PMFBP1: variants seen among roughly 807,000 people sequenced by gnomAD.
PMFBP1 encodes polyamine-modulated factor 1-binding protein 1.
A neutral mutation model predicts 137.8 loss-of-function variants in PMFBP1; 131 were observed. That is an observed-to-expected ratio of 0.95 (90% CI 0.82 to 1.10). PMFBP1 has a LOEUF of 1.10. Ranked by LOEUF, PMFBP1 falls within the 50% of genes least tolerant of loss-of-function variation. The probability of loss-of-function intolerance (pLI) is 0.00; values close to 1 mark genes in which losing one functional copy is unlikely to be tolerated. For synonymous variants in PMFBP1, 490 were observed against 450.4 expected (o/e 1.09, Z -1.11); for missense variants, 1,199 against 1,175.4 (o/e 1.02, Z -0.29).
At chr16:72,199,252 C>T in the PMFBP1 span, among the ~76,000 whole-genome samples, 1 of 150,778 alleles carries the variant, frequency 6.6e-6, no homozygotes, top group Non-Finnish European at 1.5e-5. Flanking sequence ...CAGTGACCTC[C>T]CCGCTTTATG....
At chr16:72,222,542 T>C in the PMFBP1 span, among the ~76,000 whole-genome samples, 2 of 152,154 alleles carry the variant, frequency 1.3e-5, no homozygotes, top group East Asian at 1.9e-4. Flanking sequence ...TGAGGGTCAC[T>C]GCAGAGACCA....
chr16:72,190,020 A>G, the PMFBP1 span, among the ~76,000 whole-genome samples: 1 of 152,196 alleles, frequency 6.6e-6, no homozygotes, highest in Non-Finnish European at 1.5e-5. Context: ...AAATTCTGAA[A>G]AAAAATCTCA....
At chr16:72,168,651 A>G (rs1204884645) in intron 2 of PMFBP1, among the ~76,000 whole-genome samples, 2 of 152,188 alleles carry the variant, frequency 1.3e-5, no homozygotes, top group Non-Finnish European at 2.9e-5. Flanking sequence ...CTGAAATCAT[A>G]AGTCTCCACT....
the PMFBP1 span, among the ~76,000 whole-genome samples, chr16:72,225,709 T>TATAATAATAATA: frequency 9.1e-6 from 1 of 109,604 alleles, no homozygotes; most frequent in Admixed American, 9.0e-5. Flanking sequence ...TGAGACTGTT[T>TATAATAATAATA]ATAATAATAA....
chr16:72,212,588 T>C, the PMFBP1 span, among the ~76,000 whole-genome samples: 1 of 152,108 alleles, frequency 6.6e-6, no homozygotes, highest in African/African-American at 2.4e-5. Context: ...TTACTCCTGT[T>C]CTAGCAGGTC....
chr16:72,118,912 AAGG>A (rs1265624000), downstream of PMFBP1, among the ~76,000 whole-genome samples: 1 of 152,214 alleles, frequency 6.6e-6, no homozygotes, highest in Non-Finnish European at 1.5e-5. Context: ...AAGAAAAAAA[AAGG>A]AGCTACTTAT....
the PMFBP1 span, among the ~76,000 whole-genome samples, chr16:72,229,255 T>C: frequency 6.6e-6 from 1 of 152,204 alleles, no homozygotes; most frequent in Admixed American, 6.5e-5. Context: ...CAGTCCACTG[T>C]TGATGGGCAT....
intron 9 of PMFBP1, among the ~76,000 whole-genome samples, chr16:72,135,111 T>C (rs2042603859): frequency 6.6e-6 from 1 of 152,150 alleles, no homozygotes; most frequent in Non-Finnish European, 1.5e-5. Flanking sequence ...GACGGGCATA[T>C]CTCCTCTGTG....
At chr16:72,128,450 T>A (rs2042494672) in intron 14 of PMFBP1, 1 of 1,521,358 alleles carries the variant, frequency 6.6e-7, no homozygotes. Context: ...AGATATGAGA[T>A]GAGACCTTCC....
chr16:72,239,767 C>T, the PMFBP1 span, among the ~76,000 whole-genome samples: 4 of 151,740 alleles, frequency 2.6e-5, no homozygotes, highest in Admixed American at 2.6e-4. Context: ...TGGCATGTGC[C>T]TGTAATCCCA....
chr16:72,242,391 C>G, the PMFBP1 span, among the ~76,000 whole-genome samples: 289 of 152,338 alleles, frequency 1.9e-3, 1 homozygote, highest in African/African-American at 6.6e-3. Context: ...GAATTTAAAA[C>G]CTCCTTAGTT....
rs747605148 is a variant in PMFBP1 at position 72,122,913 on chromosome 16, C to G, written c.2768+1G>C. The G allele has an allele frequency of 6.2e-7, 1 of 1,612,868 alleles. No homozygotes were observed. Among genetic ancestry groups the G allele is most frequent in the South Asian group, 1.1e-5 (1 of 91,068 alleles). On this transcript the variant is annotated splice_donor_variant, in intron 19 of 20. Coordinates refer to ENST00000237353, the MANE Select transcript of PMFBP1 (RefSeq NM_031293.3). LOFTEE classifies it high-confidence loss of function. ...AGCCAGGGTGGTTTAAGATGACTTA[C>G]TCCTTTTCGCCACTCAGCTTGGCAA... is the stretch of plus-strand genomic sequence containing the variant.
At chr16:72,196,958 C>G in the PMFBP1 span, among the ~76,000 whole-genome samples, 1 of 152,220 alleles carries the variant, frequency 6.6e-6, no homozygotes, top group Admixed American at 6.5e-5. Context: ...TACAGATTCT[C>G]AGGTCTCTGC....
the PMFBP1 span, among the ~76,000 whole-genome samples, chr16:72,237,860 A>C: frequency 6.6e-6 from 1 of 152,086 alleles, no homozygotes; most frequent in Admixed American, 6.6e-5. Context: ...ATGTGTTCTC[A>C]TCATTTAGAT....
chr16:72,219,426 G>A, the PMFBP1 span, among the ~76,000 whole-genome samples: 1 of 152,174 alleles, frequency 6.6e-6, no homozygotes, highest in Non-Finnish European at 1.5e-5. Context: ...AGGCACCCAG[G>A]AGCGCGTGGA....
At chr16:72,225,793 C>A in the PMFBP1 span, among the ~76,000 whole-genome samples, 1 of 150,702 alleles carries the variant, frequency 6.6e-6, no homozygotes, top group Non-Finnish European at 1.5e-5. Flanking sequence ...CGACATAATC[C>A]TTTTCACATA....
intron 3 of PMFBP1, among the ~76,000 whole-genome samples, chr16:72,160,039 T>C (rs2043038840): frequency 6.6e-6 from 1 of 152,256 alleles, no homozygotes; most frequent in African/African-American, 2.4e-5. Flanking sequence ...TGGGGACTGC[T>C]GGCTGTCCAT....
chr16:72,139,324 G>T lies in PMFBP1; in HGVS notation c.883C>A (p.Pro295Thr), dbSNP rs752533522. The T allele has an allele frequency of 2.1e-5, 34 of 1,613,952 alleles. 1 individual carries two copies. In the South Asian group the frequency reaches 3.6e-4, roughly 17 times the overall value. The change falls in exon 7 of 21, where the codon CCT becomes ACT. Residue 295 changes from proline to threonine, a missense_variant. Physicochemically the swap from Pro to Thr is conservative, Grantham distance 38. Coordinates refer to ENST00000237353, the MANE Select transcript of PMFBP1 (RefSeq NM_031293.3). ...ASCTATHRYP[P>T]SSSEECEDIK... ...TCTTCACACTCTTCTGAGGAGCTAG[G>T]AGGGTATCTGTGGGTGGCTGTACAG...
the PMFBP1 span, among the ~76,000 whole-genome samples, chr16:72,247,456 T>A: frequency 6.6e-6 from 1 of 152,228 alleles, no homozygotes; most frequent in East Asian, 1.9e-4. Flanking sequence ...GCTTCTAACT[T>A]ATCCTTGTGA....
Sources: gnomAD v4.1 joint callset for allele counts (sites outside exome capture counted in the v4.1 genomes callset) on GRCh38, gnomAD v4.1.1 for gene constraint, MANE v1.5 for transcripts, NCBI Gene and HGNC (gene_info 2026-07-23, HGNC 2026-07-21) for gene names.